XKR9: variants seen among roughly 807,000 people sequenced by gnomAD.
XKR9 encodes the protein XK-related protein 9.
Under a neutral mutation model 32.0 loss-of-function variants are expected in XKR9, and 32 were observed. That is an observed-to-expected ratio of 1.00 (90% CI 0.76 to 1.34). The LOEUF is 1.34. Ranked by LOEUF, XKR9 falls within the 40% of genes most tolerant of loss-of-function variation. The pLI is 0.00. For synonymous variants in XKR9, 168 were observed against 143.4 expected (o/e 1.17, Z -1.22); for missense variants, 546 against 429.7 (o/e 1.27, Z -2.39).
chr8:70,735,794 C>T lies in XKR9; in HGVS notation c.*1370C>T, dbSNP rs1461896848. ...CATGTCCCTACAAAGGACATGAACTCATCATTTTTTATGGCTGCATAGTAT... is the reference window on the plus strand; with the variant it reads ...CATGTCCCTACAAAGGACATGAACTTATCATTTTTTATGGCTGCATAGTAT... On this transcript the variant is annotated 3_prime_UTR_variant, in exon 5 of 5. Coordinates refer to ENST00000408926, the MANE Select transcript of XKR9 (RefSeq NM_001011720.2). The T allele has an allele frequency of 1.3e-5, 2 of 151,880 alleles. No homozygotes were observed. The highest frequency in any genetic ancestry group is 2.9e-5 in the Non-Finnish European group (2 of 67,990). 9.4% of individuals were successfully genotyped at this position (151,880 alleles called of 1,614,324 possible).
At chr8:70,853,114 T>C in the XKR9 span, among the ~76,000 whole-genome samples, 1 of 151,998 alleles carries the variant, frequency 6.6e-6, no homozygotes, top group Non-Finnish European at 1.5e-5. Flanking sequence ...GATGGAAGTA[T>C]AGGTAATTAT....
At chr8:71,021,004 G>C in the XKR9 span, among the ~76,000 whole-genome samples, 1 of 152,154 alleles carries the variant, frequency 6.6e-6, no homozygotes, top group East Asian at 1.9e-4. Flanking sequence ...GCTGGCATCT[G>C]CTTGACTTCT....
chr8:70,723,732 C>CT (rs1296539837), intron 4 of XKR9, among the ~76,000 whole-genome samples: 1 of 152,104 alleles, frequency 6.6e-6, no homozygotes, highest in Non-Finnish European at 1.5e-5. Flanking sequence ...TGGAGCTCTA[C>CT]TGTATGAGGT....
At chr8:70,745,543 G>A (rs953494900) in intron 2 of XKR9, among the ~76,000 whole-genome samples, 2 of 152,126 alleles carry the variant, frequency 1.3e-5, no homozygotes, top group Non-Finnish European at 2.9e-5. Flanking sequence ...CCTATCCTGA[G>A]TTTCTTTTTA....
the XKR9 span, among the ~76,000 whole-genome samples, chr8:70,979,852 C>T: frequency 3.3e-5 from 5 of 152,188 alleles, no homozygotes; most frequent in African/African-American, 1.2e-4. Flanking sequence ...TCAGTTATGC[C>T]CTACCCCCAA....
chr8:70,776,581 C>T (rs1478274362), intron 2 of XKR9, among the ~76,000 whole-genome samples: 1 of 151,976 alleles, frequency 6.6e-6, no homozygotes, highest in African/African-American at 2.4e-5. Context: ...TGCCTGTTCT[C>T]CTCTGAGCTC....
the XKR9 span, among the ~76,000 whole-genome samples, chr8:70,893,811 A>G: frequency 3.9e-5 from 6 of 152,216 alleles, no homozygotes; most frequent in South Asian, 1.2e-3. Flanking sequence ...ACAAGCAGCA[A>G]TAACAGTGCA....
At chr8:70,756,420 T>G (rs537187950) in intron 2 of XKR9, among the ~76,000 whole-genome samples, 25 of 152,360 alleles carry the variant, frequency 1.6e-4, no homozygotes, top group African/African-American at 5.8e-4. Flanking sequence ...AGGATTCTGA[T>G]AGGGCTTGCA....
the XKR9 span, among the ~76,000 whole-genome samples, chr8:70,869,877 A>T: frequency 6.6e-6 from 1 of 152,210 alleles, no homozygotes; most frequent in Non-Finnish European, 1.5e-5. Flanking sequence ...GTCTGAAAGC[A>T]GTGGCACTGG....
At chr8:71,055,444 A>G in the XKR9 span, among the ~76,000 whole-genome samples, 1 of 151,844 alleles carries the variant, frequency 6.6e-6, no homozygotes, top group Non-Finnish European at 1.5e-5. Context: ...ATTCCCTTGT[A>G]TGTGGTTTTG....
chr8:70,702,307 C>G (rs1245151843), intron 3 of XKR9, among the ~76,000 whole-genome samples: 1 of 152,050 alleles, frequency 6.6e-6, no homozygotes, highest in Non-Finnish European at 1.5e-5. Context: ...GGATTACAGT[C>G]TTTTTGCCTT....
At chr8:70,935,214 C>CACACAT in the XKR9 span, among the ~76,000 whole-genome samples, 1 of 148,914 alleles carries the variant, frequency 6.7e-6, no homozygotes, top group Non-Finnish European at 1.5e-5. Context: ...TATATACACA[C>CACACAT]ACACACACAC....
At position 70,714,319 on chromosome 8, in the gene XKR9, A is replaced by G. The variant is rs746766916; in HGVS notation, c.493+7166A>G. On this transcript the variant is annotated intron_variant, in intron 4 of 4. Coordinates refer to ENST00000408926, the MANE Select transcript of XKR9 (RefSeq NM_001011720.2). The stretch of plus-strand genomic sequence containing the variant: ...ATATTAATGTAAATATTTATTTAAA[A>G]CAAGAAAATAAATTACAGCAAATTA... Among the ~76,000 whole-genome samples the G allele has an allele frequency of 2.6e-5, 4 of 152,158 alleles. 1 individual carries two copies. The highest frequency in any genetic ancestry group is 5.9e-5 in the Non-Finnish European group (4 of 68,028).
chr8:70,935,063 TG>T, the XKR9 span, among the ~76,000 whole-genome samples: 1 of 149,992 alleles, frequency 6.7e-6, no homozygotes, highest in Admixed American at 6.7e-5. Context: ...GTTAATAACT[TG>T]GTTAGCTATT....
At position 70,757,638 on chromosome 8, in the gene XKR9, A is replaced by G. The variant is rs145296291; in HGVS notation, n.353-31701A>G. 3.2e-3 allele frequency among the ~76,000 whole-genome samples: 493 copies of G among 152,242 alleles called. 2 individuals are homozygous for G. Among genetic ancestry groups the G allele is most frequent in the Non-Finnish European group, 5.1e-3 (350 of 68,016 alleles). On this transcript the variant is annotated intron_variant and non_coding_transcript_variant, in intron 2 of 3. Transcript: ENST00000520273. Reference sequence around the variant, plus strand: ...GTCTTGCTCTGTCGCCCAGGCTGGCATGTGGTGCCGCAATCTCGGCTCACT... The same window carrying G: ...GTCTTGCTCTGTCGCCCAGGCTGGCGTGTGGTGCCGCAATCTCGGCTCACT...
the XKR9 span, among the ~76,000 whole-genome samples, chr8:70,807,745 A>C: frequency 6.6e-6 from 1 of 152,314 alleles, no homozygotes; most frequent in African/African-American, 2.4e-5. Context: ...AAATACAGGA[A>C]CATCCAGATT....
the XKR9 span, among the ~76,000 whole-genome samples, chr8:70,968,218 TG>T: frequency 2.2e-4 from 34 of 152,392 alleles, no homozygotes; most frequent in African/African-American, 8.2e-4. Context: ...TTCCTCCATT[TG>T]GTCTGTTCTG....
chr8:70,801,983 C>T, the XKR9 span, among the ~76,000 whole-genome samples: 13 of 150,858 alleles, frequency 8.6e-5, no homozygotes, highest in South Asian at 2.7e-3. Flanking sequence ...CGCCCAGAGA[C>T]TGGAGTGCAG....
At chr8:71,018,054 A>G in the XKR9 span, among the ~76,000 whole-genome samples, 2 of 152,180 alleles carry the variant, frequency 1.3e-5, no homozygotes, top group African/African-American at 2.4e-5. Flanking sequence ...TGACTCTTAT[A>G]TTTTGTGATG....
Sources: gnomAD v4.1 joint callset for allele counts (sites outside exome capture counted in the v4.1 genomes callset) on GRCh38, gnomAD v4.1.1 for gene constraint, MANE v1.5 for transcripts, NCBI Gene and HGNC (gene_info 2026-07-23, HGNC 2026-07-21) for gene names.